Variants in HK3 observed in about 807,000 individuals in gnomAD.
HK3 encodes the protein hexokinase 3.
Under a neutral mutation model 91.0 loss-of-function variants are expected in HK3, and 93 were observed. That is an observed-to-expected ratio of 1.02 (90% CI 0.86 to 1.21). The LOEUF (loss-of-function observed/expected upper bound fraction) is 1.21, where lower values mean the gene tolerates loss of function less well. Ranked by LOEUF, HK3 falls within the 50% of genes most tolerant of loss-of-function variation. The probability of loss-of-function intolerance (pLI) is 0.00; values close to 1 mark genes in which losing one functional copy is unlikely to be tolerated. For missense variants in HK3, 1,235 were observed against 1,247.4 expected, an observed-to-expected ratio of 0.99 and a Z score of 0.15; for synonymous variants, 519 against 516.9, an observed-to-expected ratio of 1.00 and a Z score of -0.06.
In HK3 at chr5:176,882,130, G is replaced by A. The variant is rs1408603752; in HGVS notation, c.2054-3C>T. 6.2e-7 allele frequency: 1 copy of A among 1,612,404 alleles called. No homozygotes were observed. The highest frequency in any genetic ancestry group is 1.3e-5 in the African/African-American group (1 of 74,898). ...GTAGCAGGCATTGGTGCCGGTTCCT[G>A]CAGAGAGGCCAGACAACGTGGAAGC... On this transcript the variant is annotated splice_polypyrimidine_tract_variant and splice_region_variant and intron_variant, in intron 15 of 18. Transcript: ENST00000292432.
chr5:176,882,110 A>C lies in HK3; in HGVS notation c.2071T>G (p.Cys691Gly). The change falls in exon 16 of 19, where the codon TGC becomes GGC. Residue 691 changes from cysteine to glycine, a missense_variant. Physicochemically the swap from Cys to Gly is radical, Grantham distance 159. Around this residue, in one of 3 missense-constraint regions of HK3, gnomAD observed 513 missense variants for 477.4 expected, o/e 1.07. Transcript: ENST00000292432. ...GLIVGTGTNA[C>G]YMEELRNVAG... ...ACATTCCGGAGCTCCTCCATGTAGCAGGCATTGGTGCCGGTTCCTGCAGAG... is the reference window on the plus strand; with the variant it reads ...ACATTCCGGAGCTCCTCCATGTAGCCGGCATTGGTGCCGGTTCCTGCAGAG... 1 of 1,613,046 alleles carries C rather than the reference A, an allele frequency of 6.2e-7. No individual in the cohort carries two copies. Among genetic ancestry groups the C allele is most frequent in the Non-Finnish European group, 8.5e-7 (1 of 1,180,020 alleles).
intron 1 of HK3, among the ~76,000 whole-genome samples, chr5:176,898,014 C>T (rs1254887585): frequency 6.6e-6 from 1 of 152,194 alleles, no homozygotes; most frequent in African/African-American, 2.4e-5. Flanking sequence ...CTCACTCACA[C>T]GGCCGTTCGG....
chr5:176,889,300 G>T (rs55919126), intron 8 of HK3, 81 bp downstream of exon 8: 6 of 1,470,664 alleles, frequency 4.1e-6, no homozygotes, highest in Non-Finnish European at 5.6e-6. Context: ...AAGGGCCTGA[G>T]AACAGGGACA....
In HK3 at chr5:176,889,433, T is replaced by C; in HGVS notation, c.862A>G (p.Thr288Ala). The change falls in exon 8 of 19, where the codon ACC (threonine) becomes GCC (alanine). Residue 288 changes from threonine (T) to alanine (A), a missense_variant. Transcript: ENST00000292432. ...TGGTCCAGGGTATGGTCGAAGGTGG[T>C]CAGCACTGGTCCCAGCGCCCCATCA... ...SDDGALGPVL[T>A]TFDHTLDHES... 1 of 1,614,100 alleles carries C rather than the reference T, an allele frequency of 6.2e-7. No homozygotes were observed. The highest frequency in any genetic ancestry group is 8.5e-7 in the Non-Finnish European group (1 of 1,179,998).
In HK3 at chr5:176,888,391, C is replaced by T. The variant is rs1481914254; in HGVS notation, c.1245G>A (p.Glu415=). The T allele has an allele frequency of 6.4e-7, 1 of 1,563,448 alleles. No homozygotes were observed. The highest frequency in any genetic ancestry group is 8.7e-7 in the Non-Finnish European group (1 of 1,153,282). ...CCACAGCAACCTGGAGTGTTTGTTG[C>T]TCCCGGCTGTGCTGGAGGCAGGAGA... ...AVLSCLQHSR[E]QQTLQVAVAT... is the part of the protein sequence containing the mutation. The change falls in exon 10 of 19, where the codon GAG becomes GAA. Residue 415 remains glutamate (E), a synonymous_variant. Coordinates refer to ENST00000292432, the MANE Select transcript of HK3 (RefSeq NM_002115.3).
intron 1 of HK3, among the ~76,000 whole-genome samples, chr5:176,896,472 A>G (rs1420014077): frequency 6.6e-6 from 1 of 152,198 alleles, no homozygotes; most frequent in Admixed American, 6.5e-5. Flanking sequence ...GCTATGCTGG[A>G]CGTTGTGGTA....
intron 2 of HK3, among the ~76,000 whole-genome samples, chr5:176,894,444 G>A (rs911866870): frequency 2.6e-5 from 4 of 152,194 alleles, no homozygotes; most frequent in African/African-American, 9.7e-5. Flanking sequence ...ATGTGGGCCT[G>A]CACAGGAGTG....
At chr5:176,899,054 G>C (rs1467045472) in intron 1 of HK3, among the ~76,000 whole-genome samples, 1 of 152,150 alleles carries the variant, frequency 6.6e-6, no homozygotes, top group Non-Finnish European at 1.5e-5. Context: ...AGGATCACTT[G>C]AACCCAGGAG....
chr5:176,892,051 CT>C (rs1232287221), intron 2 of HK3, among the ~76,000 whole-genome samples: 2 of 152,254 alleles, frequency 1.3e-5, no homozygotes, highest in Non-Finnish European at 2.9e-5. Flanking sequence ...GAGGATGGTC[CT>C]TTTTTCAGTC....
Position 176,887,259 on chromosome 5 carries a change from T to C in HK3, c.1679A>G (p.Gln560Arg). 2 of 1,603,780 alleles carry C rather than the reference T, an allele frequency of 1.2e-6. No individual in the cohort carries two copies. The highest frequency in any genetic ancestry group is 1.7e-6 in the Non-Finnish European group (2 of 1,175,778). The change falls in exon 12 of 19, where the codon CAG becomes CGG. Residue 560 changes from glutamine (Q) to arginine (R), a missense_variant. By Grantham distance (43) the Gln-to-Arg change is conservative (BLOSUM62 1). Around this residue, in one of 3 missense-constraint regions of HK3, gnomAD observed 717 missense variants for 751.6 expected, o/e 0.95. Coordinates refer to ENST00000292432, the MANE Select transcript of HK3 (RefSeq NM_002115.3). This position sits in a 1 kb window ranked among gnomAD's most constrained non-coding sequence, Gnocchi z 4.9. ...AATGGAGTAGATCTCGCTGGTGATCTGCACGCCTGTGGTCACACGTACCAG... is the reference window on the plus strand; with the variant it reads ...AATGGAGTAGATCTCGCTGGTGATCCGCACGCCTGTGGTCACACGTACCAG... ...VLLVRVTTGV[Q>R]ITSEIYSIPE...
At chr5:176,886,969 C>A in intron 13 of HK3, 33 bp downstream of exon 13, 1 of 1,612,782 alleles carries the variant, frequency 6.2e-7, no homozygotes, top group Non-Finnish European at 8.5e-7. Flanking sequence ...GGCAGGAGGC[C>A]CTTGGGAATC....
chr5:176,896,124 C>T lies in HK3; in HGVS notation c.36G>A (p.Gly12=), dbSNP rs954552846. 12 of 1,612,660 alleles carry T rather than the reference C, an allele frequency of 7.4e-6. No individual in the cohort carries two copies. Among genetic ancestry groups the T allele is most frequent in the Middle Eastern group, 3.3e-4 (2 of 6,056 alleles). The change falls in exon 2 of 19, where the codon GGG becomes GGA. Residue 12 remains glycine (G), a synonymous_variant. Coordinates refer to ENST00000292432, the MANE Select transcript of HK3 (RefSeq NM_002115.3). The part of the protein sequence containing the change: ...DSIGSSGLRQ[G]EETLSCSEEG... ...CCTCAGAGCAACTCAGGGTTTCTTC[C>T]CCCTGCCGCAACCCTGAAGACCCAA...
chr5:176,892,752 G>C (rs1483127709), intron 2 of HK3, among the ~76,000 whole-genome samples: 1 of 152,198 alleles, frequency 6.6e-6, no homozygotes, highest in Non-Finnish European at 1.5e-5. Flanking sequence ...TGGATAATAA[G>C]GCCGCTCCAG....
intron 9 of HK3, 55 bp from the exon 10 acceptor site, chr5:176,888,620 T>C: frequency 6.2e-7 from 1 of 1,609,010 alleles, no homozygotes; most frequent in Non-Finnish European, 8.5e-7. Flanking sequence ...CCCATCCCAC[T>C]AAAGCCCCAT....
chr5:176,882,290 G>A (rs188703549), intron 15 of HK3, 163 bp from the exon 16 acceptor site: 53 of 740,892 alleles, frequency 7.2e-5, no homozygotes, highest in Non-Finnish European at 9.5e-5. Context: ...GACATCCCTC[G>A]TGCAGACCCT....
intron 3 of HK3, 67 bp downstream of exon 3, chr5:176,891,321 C>G (rs138190939): frequency 6.2e-7 from 1 of 1,605,710 alleles, no homozygotes; most frequent in African/African-American, 1.3e-5. Flanking sequence ...GAATAAGGAA[C>G]GTTTCCCTCC....
At position 176,880,937 on chromosome 5, in the gene HK3, G is replaced by T; in HGVS notation, c.*136C>A. On this transcript the variant is annotated 3_prime_UTR_variant, in exon 19 of 19. Transcript: ENST00000292432. Reference sequence around the variant, plus strand: ...TCTCTCAGGGAAAGCCAGGGAGCAAGGCCAAATGGCCGCAGAGGGGTCACA... The same window carrying T: ...TCTCTCAGGGAAAGCCAGGGAGCAATGCCAAATGGCCGCAGAGGGGTCACA... 1.0e-6 allele frequency: 1 copy of T among 955,286 alleles called. No homozygotes were observed. The highest frequency in any genetic ancestry group is 1.5e-6 in the Non-Finnish European group (1 of 669,234). The allele number at this position is 955,286 out of a possible 1,614,324, so 59.2% of individuals were successfully genotyped here.
At chr5:176,882,436 C>T (rs765335095) in intron 15 of HK3, among the ~76,000 whole-genome samples, 8 of 152,228 alleles carry the variant, frequency 5.3e-5, no homozygotes, top group Admixed American at 1.3e-4. Context: ...TGACATCCCC[C>T]GCCCTCGCCC....
chr5:176,890,702 A>C lies in HK3; in HGVS notation c.563T>G (p.Phe188Cys). 1.2e-6 allele frequency: 2 copies of C among 1,614,154 alleles called. No individual in the cohort carries two copies. The highest frequency in any genetic ancestry group is 1.7e-6 in the Non-Finnish European group (2 of 1,180,004). ...CTGGCCTTCCACACCACTGCACCTAAAACCTTTGGTCCAGGAAATGAGGGT... is the reference window on the plus strand; with the variant it reads ...CTGGCCTTCCACACCACTGCACCTACAACCTTTGGTCCAGGAAATGAGGGT... ...RSTLISWTKG[F>C]RCSGVEGQDV... Residue 188 changes from phenylalanine (F) to cysteine (C), a missense_variant, in exon 6 of 19, where the codon TTT becomes TGT. Physicochemically the swap from Phe to Cys is radical, Grantham distance 205. Coordinates refer to ENST00000292432, the MANE Select transcript of HK3 (RefSeq NM_002115.3).
Sources: allele counts gnomAD v4.1 joint callset (sites outside exome capture counted in the v4.1 genomes callset), GRCh38; gene constraint gnomAD v4.1.1; regional missense constraint gnomAD v4.1.1; non-coding constraint Gnocchi (gnomAD v3.1); transcripts MANE v1.5; gene names NCBI Gene and HGNC (gene_info 2026-07-23, HGNC 2026-07-21).